The following FRMPD1 variants were observed in gnomAD, a reference collection of about 807,000 sequenced individuals.
The protein encoded by FRMPD1 is FERM and PDZ domain containing 1, also known as FERM and PDZ domain-containing protein 1.
Under a neutral mutation model 117.8 loss-of-function variants are expected in FRMPD1, and 76 were observed. The ratio of observed to expected loss-of-function variants is 0.65; its 90% confidence interval spans 0.54 to 0.78. The LOEUF (loss-of-function observed/expected upper bound fraction) is 0.78. Ranked by LOEUF, FRMPD1 falls within the 30% of genes least tolerant of loss-of-function variation. The pLI is 0.00. For synonymous variants in FRMPD1, 783 were observed against 770.4 expected (o/e 1.02, Z -0.27); for missense variants, 1,786 against 1,964.5 (o/e 0.91, Z 1.72).
chr9:37,662,566 A>G (rs994567550), intron 1 of FRMPD1, among the ~76,000 whole-genome samples: 1 of 152,184 alleles, frequency 6.6e-6, no homozygotes, highest in African/African-American at 2.4e-5. Flanking sequence ...GAGACTAGCC[A>G]CTTGATCAAT....
chr9:37,659,996 A>C (rs768522239), intron 1 of FRMPD1, among the ~76,000 whole-genome samples: 2 of 151,274 alleles, frequency 1.3e-5, no homozygotes, highest in Non-Finnish European at 2.9e-5. Context: ...GCTGAGAGAA[A>C]GCAGGGGGAG....
At chr9:37,729,949 A>T in intron 8 of FRMPD1, 96 bp downstream of exon 8, 1 of 1,287,448 alleles carries the variant, frequency 7.8e-7, no homozygotes. Context: ...GCACATCTGC[A>T]GGTTTGATGC....
At chr9:37,703,311 A>C (rs1822596415) in intron 2 of FRMPD1, among the ~76,000 whole-genome samples, 1 of 152,004 alleles carries the variant, frequency 6.6e-6, no homozygotes, top group Non-Finnish European at 1.5e-5. Flanking sequence ...ACATAATAGT[A>C]CTCCATAGCC....
intron 2 of FRMPD1, among the ~76,000 whole-genome samples, chr9:37,695,371 T>C (rs1487069816): frequency 6.6e-6 from 1 of 152,212 alleles, no homozygotes; most frequent in Non-Finnish European, 1.5e-5. Context: ...TGTTGTCTCA[T>C]TGTGGTTTTT....
At chr9:37,638,015 T>C in the FRMPD1 span, among the ~76,000 whole-genome samples, 35 of 125,540 alleles carry the variant, frequency 2.8e-4, 1 homozygote, top group African/African-American at 9.8e-4. Context: ...TTTCTTTCTT[T>C]CTTTCTTTCT....
chr9:37,640,861 T>C, the FRMPD1 span, among the ~76,000 whole-genome samples: 1 of 152,128 alleles, frequency 6.6e-6, no homozygotes, highest in Non-Finnish European at 1.5e-5. Context: ...AAGTACATGG[T>C]TTTTCATAAG....
chr9:37,669,443 C>T (rs1821275240), intron 1 of FRMPD1, among the ~76,000 whole-genome samples: 1 of 152,154 alleles, frequency 6.6e-6, no homozygotes, highest in South Asian at 2.1e-4. Flanking sequence ...ACAAGTCCTC[C>T]AGGTGATCTG....
chr9:37,730,295 A>C (rs921523162), intron 8 of FRMPD1, among the ~76,000 whole-genome samples: 5 of 152,228 alleles, frequency 3.3e-5, no homozygotes, highest in Admixed American at 2.6e-4. Context: ...AAACACAGCC[A>C]AACGGTCTAT....
intron 1 of FRMPD1, among the ~76,000 whole-genome samples, chr9:37,653,028 A>T (rs1414253036): frequency 6.6e-6 from 1 of 152,192 alleles, no homozygotes; most frequent in African/African-American, 2.4e-5. Context: ...AACTGGTGAG[A>T]GCTGGGAGAG....
the FRMPD1 span, among the ~76,000 whole-genome samples, chr9:37,633,426 A>G: frequency 6.6e-6 from 1 of 152,350 alleles, no homozygotes; most frequent in Non-Finnish European, 1.5e-5. Flanking sequence ...AGTGTATGAG[A>G]AAGTTCTTTT....
At chr9:37,635,955 C>T in the FRMPD1 span, among the ~76,000 whole-genome samples, 3 of 152,176 alleles carry the variant, frequency 2.0e-5, no homozygotes, top group South Asian at 4.2e-4. Context: ...CTTCCGCCTC[C>T]GCCTGACATG....
chr9:37,724,492 G>A (rs1244708523), intron 7 of FRMPD1, among the ~76,000 whole-genome samples, 172 bp downstream of exon 7: 1 of 152,122 alleles, frequency 6.6e-6, no homozygotes, highest in African/African-American at 2.4e-5. Context: ...CGACCACCCA[G>A]AAAGATGGTC....
chr9:37,619,196 G>GTTTCAATTTTTTTTCCATGTAAACC, the FRMPD1 span, among the ~76,000 whole-genome samples: 2 of 152,156 alleles, frequency 1.3e-5, no homozygotes, highest in Admixed American at 1.3e-4. Context: ...ACTTGGGAAC[G>GTTTCAATTTTTTTTCCATGTAAACC]TTTCCATTTT....
intron 2 of FRMPD1, among the ~76,000 whole-genome samples, chr9:37,694,661 C>T (rs1402753233): frequency 3.3e-5 from 5 of 152,142 alleles, no homozygotes; most frequent in Admixed American, 6.5e-5. Flanking sequence ...CTCAGCCTCC[C>T]GTGTAGCTGG....
At chr9:37,731,153 GT>G (rs1823862104) in intron 9 of FRMPD1, 50 bp downstream of exon 9, 1 of 1,571,436 alleles carries the variant, frequency 6.4e-7, no homozygotes, top group Non-Finnish European at 8.8e-7. Context: ...CTCAAAGATG[GT>G]GCACTGGGTG....
chr9:37,683,895 G>T (rs1821826317), intron 1 of FRMPD1, among the ~76,000 whole-genome samples: 1 of 146,918 alleles, frequency 6.8e-6, no homozygotes, highest in African/African-American at 2.6e-5. Flanking sequence ...AGGCTTTGGG[G>T]GGAACAACAG....
chr9:37,745,365 A>G lies in FRMPD1; in HGVS notation c.3333A>G (p.Glu1111=), dbSNP rs1481558562. The G allele has an allele frequency of 1.2e-6, 2 of 1,613,708 alleles. No individual in the cohort carries two copies. Among genetic ancestry groups the G allele is most frequent in the South Asian group, 1.1e-5 (1 of 91,078 alleles). Residue 1111 remains glutamate (E), a synonymous_variant, in exon 16 of 16, where the codon GAA becomes GAG. Transcript: ENST00000377765. ...KEEPQGQLSL[E]RDREVTNKNG... is the part of the protein sequence containing the mutation. ...AGCCACAAGGACAACTATCTCTGGAAAGAGACAGAGAAGTTACAAACAAAA... is the reference window on the plus strand; with the variant it reads ...AGCCACAAGGACAACTATCTCTGGAGAGAGACAGAGAAGTTACAAACAAAA...
chr9:37,666,364 C>T (rs10973475), intron 1 of FRMPD1, among the ~76,000 whole-genome samples: 6,313 of 152,254 alleles, frequency 0.041, 228 homozygotes, highest in South Asian at 0.12. Context: ...CACTTAAGGC[C>T]TTTGGTGATC....
At chr9:37,604,121 G>A in the FRMPD1 span, among the ~76,000 whole-genome samples, 7 of 152,086 alleles carry the variant, frequency 4.6e-5, no homozygotes, top group South Asian at 2.1e-4. Flanking sequence ...TTAAGTGTGC[G>A]AATTAAAATT....
Sources: allele counts gnomAD v4.1 joint callset (sites outside exome capture counted in the v4.1 genomes callset), GRCh38; gene constraint gnomAD v4.1.1; transcripts MANE v1.5; gene names NCBI Gene and HGNC (gene_info 2026-07-23, HGNC 2026-07-21).